The following IK variants were observed in gnomAD, a reference collection of about 807,000 sequenced individuals.
IK encodes IK cytokine.
A neutral mutation model predicts 90.9 loss-of-function variants in IK; 47 were observed. The observed-to-expected ratio is 0.52, with a 90% CI of 0.41 to 0.66. IK has a LOEUF of 0.66. Ranked by LOEUF, IK falls within the 30% of genes least tolerant of loss-of-function variation. IK has a pLI of 0.00. For synonymous variants in IK, 201 were observed against 227.5 expected (o/e 0.88, Z 1.05); for missense variants, 385 against 709.3 (o/e 0.54, Z 5.19).
At chr5:140,648,786 G>A (rs535485566) in intron 2 of IK, 4 of 479,958 alleles carry the variant, frequency 8.3e-6, no homozygotes, top group Non-Finnish European at 1.5e-5. Flanking sequence ...ACATTATATA[G>A]GAATTACTTC....
At position 140,661,805 on chromosome 5, in the gene IK, G is replaced by A. The variant is rs2149809021; in HGVS notation, c.1503-94G>A. On this transcript the variant is annotated intron_variant, in intron 17 of 19. Transcript: ENST00000417647. The surrounding 1 kb of genome is among the most constrained non-coding windows in gnomAD (Gnocchi z 4.2). The stretch of plus-strand genomic sequence containing the variant: ...TTAGAGGGTGTGGTCTGGCTGAGAT[G>A]TTCCCCACTAAGTTCTTTGCCCACA... The A allele has an allele frequency of 1.4e-6, 2 of 1,404,232 alleles. No homozygotes were observed. Among genetic ancestry groups the A allele is most frequent in the East Asian group, 2.5e-5 (1 of 40,594 alleles). The allele number at this position is 1,404,232 out of a possible 1,614,324, so 87.0% of individuals were successfully genotyped here.
In IK at chr5:140,661,295, A is replaced by G. The variant is rs574612399; in HGVS notation, c.1414-325A>G. On this transcript the variant is annotated intron_variant, in intron 16 of 19. Coordinates refer to ENST00000417647, the MANE Select transcript of IK (RefSeq NM_006083.4). This position sits in a 1 kb window ranked among gnomAD's most constrained non-coding sequence, Gnocchi z 4.2. ...TGGTTTAATCTTGGAGCCTTGTTTA[A>G]TCCTGCCTCTACTGTTTATTAGTTT... The G allele has an allele frequency of 2.2e-5, 7 of 317,242 alleles. No homozygotes were observed. The highest frequency in any genetic ancestry group is 1.5e-4 in the African/African-American group (7 of 45,850). 19.7% of individuals were successfully genotyped at this position (317,242 alleles called of 1,614,324 possible). A position where few individuals can be genotyped will look rare whatever the true frequency, so the allele number is the denominator to read the frequency against.
At chr5:140,654,806 TCTC>T (rs1757677297) in intron 8 of IK, 79 bp downstream of exon 8, 1 of 945,240 alleles carries the variant, frequency 1.1e-6, no homozygotes, top group Admixed American at 2.5e-5. Flanking sequence ...AGGATATGCT[TCTC>T]CTTTCCCCCA....
At chr5:140,651,569 C>T in intron 2 of IK, 145 bp from the exon 3 acceptor site, 1 of 559,248 alleles carries the variant, frequency 1.8e-6, no homozygotes, top group Non-Finnish European at 3.2e-6. Flanking sequence ...CAGTGAGACT[C>T]CGTCTCAAAA....
rs141667795 is a variant in IK at position 140,655,028 on chromosome 5, C to T, written c.637+301C>T. ...GGGGTTCTCTGTGTATTGCCCAGGC[C>T]GGTCTCAAACTCCTGGGCTCAAGTG... On this transcript the variant is annotated intron_variant, in intron 8 of 19. Coordinates refer to ENST00000417647, the MANE Select transcript of IK (RefSeq NM_006083.4). Among the ~76,000 whole-genome samples, 985 of 151,938 alleles carry T rather than the reference C, an allele frequency of 6.5e-3. 3 individuals carry two copies. The highest frequency in any genetic ancestry group is 9.1e-3 in the Non-Finnish European group (621 of 67,954).
intron 14 of IK, 92 bp downstream of exon 14, chr5:140,659,926 C>T: frequency 2.0e-6 from 2 of 993,494 alleles, no homozygotes; most frequent in Middle Eastern, 2.0e-4. Context: ...TACCCTGCCC[C>T]TCTCCTTCCC....
intron 1 of IK, 111 bp from the exon 2 acceptor site, chr5:140,648,360 C>T (rs1001122884): frequency 1.9e-5 from 18 of 940,852 alleles, no homozygotes; most frequent in Non-Finnish European, 2.8e-5. Context: ...TGTGTTGACA[C>T]TGTCGCTGTT....
At chr5:140,660,693 T>C in intron 15 of IK, 65 bp from the exon 16 acceptor site, 9 of 1,286,126 alleles carry the variant, frequency 7.0e-6, no homozygotes, top group Non-Finnish European at 1.1e-6. Flanking sequence ...CTTAGTCGGG[T>C]AGGTTTCCAG....
rs1757793436 is a variant in IK at position 140,660,873 on chromosome 5, A to G, written c.1413+58A>G. ...GGCAGTTATTATTTGTTTTACATGT[A>G]TCTCCTTCCCCACTCCTAAAAAATC... On this transcript the variant is annotated intron_variant, in intron 16 of 19. Coordinates refer to ENST00000417647, the MANE Select transcript of IK (RefSeq NM_006083.4). 19 of 1,314,706 alleles carry G rather than the reference A, an allele frequency of 1.4e-5. No homozygotes were observed. In the South Asian group the frequency reaches 1.9e-4, roughly 13 times the overall value. 81.4% of individuals were successfully genotyped at this position (1,314,706 alleles called of 1,614,324 possible).
chr5:140,649,730 G>A (rs1158992111), intron 2 of IK, among the ~76,000 whole-genome samples: 4 of 150,442 alleles, frequency 2.7e-5, no homozygotes, highest in Admixed American at 6.6e-5. Context: ...ACAGGGTTTC[G>A]CTATGTTGGC....
At chr5:140,649,194 C>A (rs1354043093) in intron 2 of IK, among the ~76,000 whole-genome samples, 1 of 141,638 alleles carries the variant, frequency 7.1e-6, no homozygotes, top group Non-Finnish European at 1.5e-5. Context: ...TTTTTTTTTT[C>A]TTTTCTTTTC....
In IK at chr5:140,659,107, G is replaced by A; in HGVS notation, c.1119G>A (p.Glu373=). The change falls in exon 12 of 20, where the codon GAG becomes GAA. Residue 373 remains glutamate (E), a synonymous_variant. Transcript: ENST00000417647. The stretch of plus-strand genomic sequence containing the variant: ...AACGAGAGCGAGAGCGGGACCGAGA[G>A]AGAGAAGAGGAAAAGAAGAGACACA... ...DRERERERDR[E]REEEKKRHSY... is the part of the protein sequence containing the mutation. The A allele has an allele frequency of 6.2e-7, 1 of 1,607,918 alleles. No homozygotes were observed. The highest frequency in any genetic ancestry group is 8.5e-7 in the Non-Finnish European group (1 of 1,177,082).
intron 9 of IK, among the ~76,000 whole-genome samples, chr5:140,656,195 A>G (rs1177674084): frequency 6.6e-6 from 1 of 152,176 alleles, no homozygotes; most frequent in African/African-American, 2.4e-5. Context: ...GGAACTATTA[A>G]CTTACTATTT....
At chr5:140,651,585 AAAAC>A (rs1757617090) in intron 2 of IK, 125 bp from the exon 3 acceptor site, 1 of 602,166 alleles carries the variant, frequency 1.7e-6, no homozygotes, top group African/African-American at 1.9e-5. Context: ...CAAAAAAAAA[AAAAC>A]AGTGTCATAT....
rs914275139 is a variant in IK at position 140,659,074 on chromosome 5, A to T, written c.1086A>T (p.Arg362=). The T allele has an allele frequency of 3.1e-6, 5 of 1,612,858 alleles. No homozygotes were observed. The Admixed American group carries it at 8.3e-5, about 27-fold the overall frequency. The change falls in exon 12 of 20, where the codon CGA becomes CGT. Residue 362 remains arginine, a synonymous_variant. Transcript: ENST00000417647. Reference sequence around the variant, plus strand: ...GTGACCGAGAGCGAGAGCGAGAACGAGATCGGGAACGAGAGCGAGAGCGGG... The same window carrying T: ...GTGACCGAGAGCGAGAGCGAGAACGTGATCGGGAACGAGAGCGAGAGCGGG... ...RDRDRERERE[R]DRERERERDR... is the part of the protein sequence containing the mutation.
intron 6 of IK, 71 bp downstream of exon 6, chr5:140,654,123 A>C (rs1237322673): frequency 1.2e-6 from 1 of 859,636 alleles, no homozygotes; most frequent in Non-Finnish European, 1.9e-6. Context: ...TGGCAAGATG[A>C]GGAGGGAGAT....
chr5:140,659,796 A>G lies in IK; in HGVS notation c.1236A>G (p.Glu412=), dbSNP rs1403532045. The part of the protein sequence containing the change: ...STKELIKSIN[E]KFAGSAGWEG... ...AGGAGTTGATCAAGTCCATCAATGAAAAGTTTGCTGGGTCTGCTGGCTGGG... is the reference window on the plus strand; with the variant it reads ...AGGAGTTGATCAAGTCCATCAATGAGAAGTTTGCTGGGTCTGCTGGCTGGG... Residue 412 remains glutamate (E), a synonymous_variant, in exon 14 of 20, where the codon GAA becomes GAG. Coordinates refer to ENST00000417647, the MANE Select transcript of IK (RefSeq NM_006083.4). 4 of 1,601,344 alleles carry G rather than the reference A, an allele frequency of 2.5e-6. No homozygotes were observed. The highest frequency in any genetic ancestry group is 3.4e-6 in the Non-Finnish European group (4 of 1,173,686).
intron 9 of IK, 107 bp downstream of exon 9, chr5:140,656,099 CT>C (rs1757704782): frequency 2.1e-6 from 2 of 970,140 alleles, no homozygotes; most frequent in African/African-American, 3.3e-5. Context: ...GTGCTGTTCA[CT>C]TTTACCTCCT....
rs1561974506 is a variant in IK, at chr5:140,653,161, CAG to C, written c.404+18_404+19del. ...TGCTGAGGCGTGAGTACTGAGGGAA[CAG>C]GGCATGGTTCCCTCAGCATCCGAGA... is the stretch of plus-strand genomic sequence containing the variant. On this transcript the variant is annotated intron_variant, in intron 5 of 19. Coordinates refer to ENST00000417647, the MANE Select transcript of IK (RefSeq NM_006083.4). The C allele has an allele frequency of 1.2e-6, 2 of 1,608,248 alleles. No homozygotes were observed. Among genetic ancestry groups the C allele is most frequent in the African/African-American group, 1.3e-5 (1 of 74,872 alleles).
Sources: gnomAD v4.1 joint callset for allele counts (sites outside exome capture counted in the v4.1 genomes callset) on GRCh38, gnomAD v4.1.1 for gene constraint, Gnocchi (gnomAD v3.1) non-coding constraint, MANE v1.5 for transcripts, NCBI Gene and HGNC (gene_info 2026-07-23, HGNC 2026-07-21) for gene names.